Variants in FSTL4 observed in about 807,000 individuals in gnomAD.
FSTL4 encodes follistatin like 4.
Under a neutral mutation model 78.2 loss-of-function variants are expected in FSTL4, and 28 were observed. The observed-to-expected ratio is 0.36, with a 90% confidence interval of 0.27 to 0.49. FSTL4 has a LOEUF of 0.49. Ranked by LOEUF, FSTL4 falls within the 20% of genes least tolerant of loss-of-function variation. The probability of loss-of-function intolerance (pLI) is 0.98; values close to 1 mark genes in which losing one functional copy is unlikely to be tolerated. For synonymous variants in FSTL4, 422 were observed against 440.5 expected (o/e 0.96, Z 0.53); for missense variants, 922 against 1,084.9 (o/e 0.85, Z 2.11).
At chr5:133,407,010 A>G (rs1263453854) in intron 3 of FSTL4, among the ~76,000 whole-genome samples, 1 of 152,146 alleles carries the variant, frequency 6.6e-6, no homozygotes, top group Non-Finnish European at 1.5e-5. Flanking sequence ...AGTTCAAGGA[A>G]CTCATGCCTG....
At chr5:133,490,147 A>T (rs1338095502) in intron 3 of FSTL4, among the ~76,000 whole-genome samples, 31 of 139,884 alleles carry the variant, frequency 2.2e-4, no homozygotes, top group Admixed American at 5.6e-4. Flanking sequence ...TTTTTTTTTT[A>T]AATCTGCAGG....
the FSTL4 span, among the ~76,000 whole-genome samples, chr5:133,651,960 A>G: frequency 2.0e-5 from 3 of 151,754 alleles, no homozygotes; most frequent in Admixed American, 6.6e-5. Context: ...CAGATTGTCT[A>G]TTTTGTGTGT....
At chr5:133,392,474 C>A (rs1204541900) in intron 4 of FSTL4, among the ~76,000 whole-genome samples, 1 of 152,170 alleles carries the variant, frequency 6.6e-6, no homozygotes, top group East Asian at 1.9e-4. Context: ...CAAGACCAGG[C>A]CTGGAAAGTG....
At chr5:133,482,513 G>C (rs772411790) in intron 3 of FSTL4, among the ~76,000 whole-genome samples, 1 of 152,222 alleles carries the variant, frequency 6.6e-6, no homozygotes, top group Non-Finnish European at 1.5e-5. Context: ...ATGCTGTAGG[G>C]CTTACAGAGG....
chr5:133,794,446 A>G, the FSTL4 span, among the ~76,000 whole-genome samples: 150,716 of 152,326 alleles, frequency 0.99, 74,582 homozygotes, highest in Middle Eastern at 1. Flanking sequence ...CTCCAGCAGC[A>G]ACTCTATGGG....
At chr5:133,350,925 C>T (rs1017673229) in intron 4 of FSTL4, among the ~76,000 whole-genome samples, 13 of 152,326 alleles carry the variant, frequency 8.5e-5, no homozygotes, top group African/African-American at 3.1e-4. Context: ...GGAAGGCTAA[C>T]TTAGCTATAA....
chr5:133,651,038 T>G, the FSTL4 span, among the ~76,000 whole-genome samples: 1 of 152,238 alleles, frequency 6.6e-6, no homozygotes, highest in Non-Finnish European at 1.5e-5. Flanking sequence ...CAAATTCACA[T>G]GTTGCTGGCA....
chr5:133,562,496 A>T (rs1759936521), intron 3 of FSTL4, among the ~76,000 whole-genome samples: 1 of 152,082 alleles, frequency 6.6e-6, no homozygotes. Flanking sequence ...TGCTTAGGAG[A>T]TCTGCACTGC....
intron 4 of FSTL4, among the ~76,000 whole-genome samples, chr5:133,342,031 C>T (rs1236603854): frequency 6.6e-6 from 1 of 152,156 alleles, no homozygotes; most frequent in Non-Finnish European, 1.5e-5. Context: ...GCTCTGGCAA[C>T]TCGCACAGAC....
At chr5:133,626,595 G>T in the FSTL4 span, among the ~76,000 whole-genome samples, 1 of 151,278 alleles carries the variant, frequency 6.6e-6, no homozygotes, top group East Asian at 1.9e-4. Context: ...TCTCATTTTC[G>T]TTCAGTTTAA....
chr5:133,598,775 G>A (rs1412810959), intron 2 of FSTL4, among the ~76,000 whole-genome samples: 1 of 152,112 alleles, frequency 6.6e-6, no homozygotes, highest in Non-Finnish European at 1.5e-5. Flanking sequence ...CCTTGCCCAG[G>A]GTCTCATCTT....
the FSTL4 span, among the ~76,000 whole-genome samples, chr5:133,675,438 G>A: frequency 2.0e-5 from 3 of 152,266 alleles, no homozygotes; most frequent in East Asian, 3.8e-4. Context: ...CCAGAAGGCT[G>A]TGGGTCTGCA....
the FSTL4 span, among the ~76,000 whole-genome samples, chr5:133,819,617 C>T: frequency 3.3e-5 from 5 of 152,170 alleles, no homozygotes; most frequent in African/African-American, 9.6e-5. Flanking sequence ...TTAGGTGACC[C>T]GAGAAATTCA....
At chr5:133,477,321 C>G (rs1334774962) in intron 3 of FSTL4, among the ~76,000 whole-genome samples, 2 of 152,184 alleles carry the variant, frequency 1.3e-5, no homozygotes, top group East Asian at 3.8e-4. Context: ...AACCAATAAG[C>G]AGTTCAGCCA....
At chr5:133,626,595 G>A in the FSTL4 span, among the ~76,000 whole-genome samples, 27 of 151,278 alleles carry the variant, frequency 1.8e-4, no homozygotes, top group Admixed American at 1.2e-3. Context: ...TCTCATTTTC[G>A]TTCAGTTTAA....
At chr5:133,539,846 T>C (rs1474151755) in intron 3 of FSTL4, among the ~76,000 whole-genome samples, 1 of 152,200 alleles carries the variant, frequency 6.6e-6, no homozygotes, top group Non-Finnish European at 1.5e-5. Context: ...ATTCTTTTAG[T>C]GTATCAGTTT....
the FSTL4 span, among the ~76,000 whole-genome samples, chr5:133,687,244 G>A: frequency 0.14 from 20,753 of 152,098 alleles, 3,071 homozygotes; most frequent in African/African-American, 0.37. Context: ...TAGGATCTGC[G>A]TGATAGAAAT....
At chr5:133,741,722 C>T in the FSTL4 span, among the ~76,000 whole-genome samples, 1 of 152,226 alleles carries the variant, frequency 6.6e-6, no homozygotes, top group Non-Finnish European at 1.5e-5. Flanking sequence ...ACACTCCCCG[C>T]ACTGTGCTGT....
intron 3 of FSTL4, among the ~76,000 whole-genome samples, chr5:133,421,689 C>T (rs1756700158): frequency 6.6e-6 from 1 of 152,190 alleles, no homozygotes; most frequent in African/African-American, 2.4e-5. Flanking sequence ...ACAAGTGAGC[C>T]CATCCCGCCA....
Sources: gnomAD v4.1 joint callset for allele counts (sites outside exome capture counted in the v4.1 genomes callset) on GRCh38, gnomAD v4.1.1 for gene constraint, MANE v1.5 for transcripts, NCBI Gene and HGNC (gene_info 2026-07-23, HGNC 2026-07-21) for gene names.